Variants in EYS observed in about 807,000 individuals in gnomAD.
EYS encodes the protein protein eyes shut homolog.
EYS carries 250 observed loss-of-function variants against 282.1 expected under a neutral mutation model. The observed-to-expected ratio is 0.89, with a 90% CI of 0.80 to 0.98. The LOEUF (loss-of-function observed/expected upper bound fraction) is 0.98, where lower values mean the gene tolerates loss of function less well. EYS is among the 50% of genes least tolerant of loss of function. EYS has a pLI of 0.00. For missense variants in EYS, 4,016 were observed against 3,709.0 expected, an observed-to-expected ratio of 1.08 and a Z score of -2.15; for synonymous variants, 1,355 against 1,282.9, an observed-to-expected ratio of 1.06 and a Z score of -1.20.
At chr6:63,802,477 C>A (rs926822894) in intron 37 of EYS, among the ~76,000 whole-genome samples, 3 of 150,082 alleles carry the variant, frequency 2.0e-5, no homozygotes, top group East Asian at 1.9e-4. Context: ...AAAAAAAAAA[C>A]AAATATTAGT....
At chr6:64,876,559 T>A (rs955295296) in intron 19 of EYS, among the ~76,000 whole-genome samples, 34 of 152,210 alleles carry the variant, frequency 2.2e-4, no homozygotes, top group African/African-American at 8.2e-4. Context: ...GAAATTCCTG[T>A]GTTCAAGGAG....
At chr6:64,006,507 A>G (rs1768354478) in intron 33 of EYS, among the ~76,000 whole-genome samples, 2 of 152,144 alleles carry the variant, frequency 1.3e-5, no homozygotes, top group Non-Finnish European at 2.9e-5. Flanking sequence ...TGCTCTGGCT[A>G]AGACTTCCAG....
chr6:64,907,092 G>A (rs942342105), intron 16 of EYS, among the ~76,000 whole-genome samples: 1 of 152,176 alleles, frequency 6.6e-6, no homozygotes, highest in South Asian at 2.1e-4. Flanking sequence ...CTGCTCTGTT[G>A]CCTAAGCTGA....
At chr6:64,866,153 G>A (rs552157965) in intron 19 of EYS, among the ~76,000 whole-genome samples, 1 of 151,924 alleles carries the variant, frequency 6.6e-6, no homozygotes, top group African/African-American at 2.4e-5. Flanking sequence ...TTCTTTGCAT[G>A]TTCATGAAAA....
intron 2 of EYS, among the ~76,000 whole-genome samples, chr6:65,570,494 C>T (rs1764441436): frequency 6.6e-6 from 1 of 152,170 alleles, no homozygotes; most frequent in Non-Finnish European, 1.5e-5. Flanking sequence ...TTACTATCTA[C>T]TTCACCCACT....
chr6:65,255,463 TTGAG>T (rs1299937619), intron 12 of EYS, among the ~76,000 whole-genome samples: 2 of 151,994 alleles, frequency 1.3e-5, no homozygotes, highest in Non-Finnish European at 2.9e-5. Context: ...CAAAGATTTA[TTGAG>T]TATTATCCCA....
intron 22 of EYS, among the ~76,000 whole-genome samples, chr6:64,707,530 G>T (rs1029564639): frequency 6.6e-6 from 1 of 152,000 alleles, no homozygotes; most frequent in Non-Finnish European, 1.5e-5. Context: ...TTAGCCGGGC[G>T]TGGTGGCGGG....
chr6:65,141,379 T>A (rs1358903883), intron 12 of EYS, among the ~76,000 whole-genome samples: 1 of 151,858 alleles, frequency 6.6e-6, no homozygotes, highest in East Asian at 1.9e-4. Flanking sequence ...CATTAGGAGA[T>A]ATACCTAATG....
At chr6:64,767,902 T>C (rs1390278) in intron 22 of EYS, among the ~76,000 whole-genome samples, 151,733 of 152,230 alleles carry the variant, frequency 1, 75,623 homozygotes, top group East Asian at 1. Flanking sequence ...TTTCCATGAG[T>C]GGTGTATGAG....
intron 28 of EYS, among the ~76,000 whole-genome samples, chr6:64,421,937 C>T (rs1209702701): frequency 1.3e-5 from 2 of 149,734 alleles, no homozygotes; most frequent in South Asian, 2.1e-4. Context: ...GTGATTTTTG[C>T]CCTCTCCATC....
chr6:63,775,121 T>C (rs138141851), intron 40 of EYS, among the ~76,000 whole-genome samples: 371 of 152,286 alleles, frequency 2.4e-3, no homozygotes, highest in African/African-American at 8.4e-3. Flanking sequence ...ATACTCACAT[T>C]TGAGAAATTC....
At chr6:64,397,598 T>C (rs1773420487) in intron 28 of EYS, among the ~76,000 whole-genome samples, 1 of 152,012 alleles carries the variant, frequency 6.6e-6, no homozygotes, top group Non-Finnish European at 1.5e-5. Context: ...GTTATTGGTA[T>C]TGGTTTTGGA....
chr6:65,183,473 T>A (rs1765441865), intron 12 of EYS, among the ~76,000 whole-genome samples: 1 of 151,888 alleles, frequency 6.6e-6, no homozygotes, highest in South Asian at 2.1e-4. Context: ...TTATATGGAA[T>A]TTTGATGATG....
intron 31 of EYS, among the ~76,000 whole-genome samples, chr6:64,178,175 T>C (rs1764690826): frequency 6.6e-6 from 1 of 152,124 alleles, no homozygotes; most frequent in South Asian, 2.1e-4. Context: ...ATGTATGTTT[T>C]ACTAGAAAGC....
intron 33 of EYS, among the ~76,000 whole-genome samples, chr6:64,025,300 C>T (rs559913196): frequency 9.9e-5 from 15 of 152,158 alleles, no homozygotes; most frequent in African/African-American, 2.2e-4. Flanking sequence ...AGCTGAGGAT[C>T]GACAGAGAGG....
chr6:64,422,596 T>C (rs1774271832), intron 28 of EYS, among the ~76,000 whole-genome samples: 1 of 152,228 alleles, frequency 6.6e-6, no homozygotes, highest in African/African-American at 2.4e-5. Flanking sequence ...TTTCTTAGTG[T>C]TATCTTTGAA....
intron 12 of EYS, among the ~76,000 whole-genome samples, chr6:65,199,524 C>G (rs1322454571): frequency 6.6e-6 from 1 of 151,874 alleles, no homozygotes; most frequent in East Asian, 1.9e-4. Flanking sequence ...TTTAAAGCAG[C>G]GTATAATTTA....
chr6:65,486,269 G>GA (rs1390528514), intron 5 of EYS, among the ~76,000 whole-genome samples: 3 of 152,052 alleles, frequency 2.0e-5, no homozygotes, highest in Admixed American at 6.6e-5. Flanking sequence ...AACTATTATT[G>GA]AAAAAATTGT....
intron 34 of EYS, among the ~76,000 whole-genome samples, chr6:63,992,308 A>C (rs939976656): frequency 3.3e-5 from 5 of 151,448 alleles, no homozygotes; most frequent in Non-Finnish European, 7.4e-5. Flanking sequence ...ATTCTGAAAT[A>C]TTTTCTTTTT....
Sources: allele counts gnomAD v4.1 joint callset (sites outside exome capture counted in the v4.1 genomes callset), GRCh38; gene constraint gnomAD v4.1.1; transcripts MANE v1.5; gene names NCBI Gene and HGNC (gene_info 2026-07-23, HGNC 2026-07-21).